ANO3: variants seen among roughly 807,000 people sequenced by gnomAD.
The protein encoded by ANO3 is anoctamin-3.
A neutral mutation model predicts 144.8 loss-of-function variants in ANO3; 99 were observed. The ratio of observed to expected loss-of-function variants is 0.68; its 90% CI spans 0.58 to 0.81. The LOEUF (loss-of-function observed/expected upper bound fraction) is 0.81, where lower values mean the gene tolerates loss of function less well. Among genes scored for constraint, ANO3 ranks in the 30% least tolerant of loss-of-function variants. The pLI is 0.00. For missense variants in ANO3, 905 were observed against 1,202.2 expected (o/e 0.75, Z 3.66); for synonymous variants, 414 against 392.6 (o/e 1.05, Z -0.64).
intron 1 of ANO3, among the ~76,000 whole-genome samples, chr11:26,345,589 T>C (rs2133905589): frequency 6.6e-6 from 1 of 152,258 alleles, no homozygotes; most frequent in East Asian, 1.9e-4. Flanking sequence ...ATCCTTGATG[T>C]GAATTGTACT....
intron 1 of ANO3, among the ~76,000 whole-genome samples, chr11:26,231,258 G>C (rs1006604158): frequency 6.6e-6 from 1 of 152,104 alleles, no homozygotes; most frequent in Non-Finnish European, 1.5e-5. Context: ...GTCTGACCTC[G>C]GGAGCCTTGG....
chr11:26,224,749 A>G (rs912493703), intron 1 of ANO3, among the ~76,000 whole-genome samples: 2 of 152,230 alleles, frequency 1.3e-5, no homozygotes, highest in African/African-American at 4.8e-5. Flanking sequence ...TGGTAAGGCA[A>G]GTAGAATCTC....
At chr11:26,471,059 C>T (rs981135938) in intron 4 of ANO3, among the ~76,000 whole-genome samples, 2 of 151,942 alleles carry the variant, frequency 1.3e-5, no homozygotes, top group African/African-American at 2.4e-5. Context: ...ACTTTATATA[C>T]ATTATCTAAT....
intron 1 of ANO3, among the ~76,000 whole-genome samples, chr11:26,358,706 C>T (rs944462559): frequency 6.6e-6 from 1 of 152,034 alleles, no homozygotes; most frequent in African/African-American, 2.4e-5. Flanking sequence ...TATCCCCCTT[C>T]CCTTTTGTGG....
chr11:26,620,524 TAA>T (rs1380095344), intron 17 of ANO3, among the ~76,000 whole-genome samples: 1 of 152,016 alleles, frequency 6.6e-6, no homozygotes, highest in Non-Finnish European at 1.5e-5. Context: ...TAATTCCAAT[TAA>T]AAATTTTTAA....
At chr11:26,300,274 T>C (rs866013102) in intron 1 of ANO3, among the ~76,000 whole-genome samples, 9 of 151,888 alleles carry the variant, frequency 5.9e-5, no homozygotes, top group Admixed American at 2.6e-4. Flanking sequence ...CACACACACA[T>C]ACACACCTTA....
chr11:26,470,780 G>C (rs1859752884), intron 4 of ANO3, among the ~76,000 whole-genome samples: 1 of 151,764 alleles, frequency 6.6e-6, no homozygotes, highest in South Asian at 2.1e-4. Context: ...AAATTCAAAG[G>C]ACATAAAACT....
chr11:26,575,945 A>G (rs1263945867), intron 14 of ANO3, among the ~76,000 whole-genome samples: 1 of 152,222 alleles, frequency 6.6e-6, no homozygotes, highest in Non-Finnish European at 1.5e-5. Context: ...TGATGGAAAC[A>G]TTTAAAAAAT....
rs549432892 is a variant in ANO3 at position 26,341,255 on chromosome 11, G to C, written c.46+8934G>C. 1.2e-4 allele frequency among the ~76,000 whole-genome samples: 19 copies of C among 152,032 alleles called. No homozygotes were observed. In the South Asian group the frequency reaches 4.0e-3, roughly 32 times the overall value. On this transcript the variant is annotated intron_variant, in intron 1 of 26. Transcript: ENST00000256737. ...TAGTGAAAGGTTTATAATTCTCCTT[G>C]ATTTATATATAGCGAAAATGTGTAT...
chr11:26,464,861 T>G (rs758173479), intron 4 of ANO3, among the ~76,000 whole-genome samples: 12 of 151,850 alleles, frequency 7.9e-5, no homozygotes, highest in African/African-American at 1.4e-4. Context: ...GTGTCCACTT[T>G]TATCCATTTT....
At chr11:26,430,318 G>A (rs990684219) in intron 1 of ANO3, among the ~76,000 whole-genome samples, 1 of 150,748 alleles carries the variant, frequency 6.6e-6, no homozygotes, top group African/African-American at 2.4e-5. Context: ...ATGTGTCTAC[G>A]TATGTGTTTG....
intron 14 of ANO3, among the ~76,000 whole-genome samples, chr11:26,591,196 A>G (rs1851440264): frequency 6.6e-6 from 1 of 152,126 alleles, no homozygotes; most frequent in Non-Finnish European, 1.5e-5. Flanking sequence ...TCCAGCTAGT[A>G]CTGCCTCTCA....
At chr11:26,203,157 T>C (rs1241333400) in intron 1 of ANO3, among the ~76,000 whole-genome samples, 1 of 152,114 alleles carries the variant, frequency 6.6e-6, no homozygotes, top group Non-Finnish European at 1.5e-5. Context: ...AAAGAAGAAA[T>C]CTTCCTTCCC....
chr11:26,307,371 G>T (rs1271916953), upstream of ANO3, among the ~76,000 whole-genome samples: 1 of 148,604 alleles, frequency 6.7e-6, no homozygotes, highest in Admixed American at 6.7e-5. Context: ...AATAAGTAAA[G>T]GGTCTCTTTT....
chr11:26,469,615 T>G (rs1209717726), intron 4 of ANO3, among the ~76,000 whole-genome samples: 2 of 151,916 alleles, frequency 1.3e-5, no homozygotes, highest in Non-Finnish European at 2.9e-5. Flanking sequence ...AGTGGACTTT[T>G]AAAATCAGTG....
intron 1 of ANO3, among the ~76,000 whole-genome samples, chr11:26,438,790 A>T (rs1468837071): frequency 1.3e-5 from 2 of 151,676 alleles, no homozygotes; most frequent in African/African-American, 4.8e-5. Flanking sequence ...AAAAAAAAAA[A>T]AAAATCAATC....
chr11:26,635,170 T>C (rs1405385892), intron 20 of ANO3, 100 bp downstream of exon 20: 8 of 1,030,508 alleles, frequency 7.8e-6, no homozygotes, highest in Non-Finnish European at 8.9e-6. Flanking sequence ...CAGGGAACTT[T>C]ATGGATATTG....
intron 4 of ANO3, 74 bp downstream of exon 4, chr11:26,463,222 A>G: frequency 1.3e-6 from 1 of 773,416 alleles, no homozygotes. Context: ...TCATCTACAT[A>G]TTTGGTTTTC....
chr11:26,549,652 A>G (rs746892367), intron 12 of ANO3, among the ~76,000 whole-genome samples: 15 of 151,944 alleles, frequency 9.9e-5, no homozygotes, highest in Non-Finnish European at 1.6e-4. Context: ...AGATGATTGT[A>G]TATACATACA....
Sources: gnomAD v4.1 joint callset for allele counts (sites outside exome capture counted in the v4.1 genomes callset) on GRCh38, gnomAD v4.1.1 for gene constraint, MANE v1.5 for transcripts, NCBI Gene and HGNC (gene_info 2026-07-23, HGNC 2026-07-21) for gene names.